The following GJA4 variants were observed in gnomAD, a reference collection of about 807,000 sequenced individuals.
GJA4 encodes gap junction protein alpha 4, also known as gap junction alpha-4 protein.
A neutral mutation model predicts 25.1 loss-of-function variants in GJA4; 13 were observed. The observed-to-expected ratio is 0.52, with a 90% CI of 0.34 to 0.82. The LOEUF (loss-of-function observed/expected upper bound fraction) is 0.82. GJA4 is among the 40% of genes least tolerant of loss of function. The pLI, the probability that GJA4 is intolerant of heterozygous loss-of-function variation, is 0.02. For synonymous variants in GJA4, 167 were observed against 193.9 expected (o/e 0.86, Z 1.15); for missense variants, 357 against 443.5 (o/e 0.80, Z 1.75).
In GJA4 at chr1:34,794,440, G is replaced by A. The variant is rs745666312; in HGVS notation, c.227G>A (p.Arg76His). 11 of 1,614,076 alleles carry A rather than the reference G, an allele frequency of 6.8e-6. No individual in the cohort carries two copies. The highest frequency in any genetic ancestry group is 1.1e-5 in the South Asian group (1 of 91,078). The stretch of plus-strand genomic sequence containing the variant: ...CAGGCCTTCCCCATCTCCCACATCC[G>A]CTACTGGGTGCTGCAGTTCCTCTTC... ...YDQAFPISHI[R>H]YWVLQFLFVS... Residue 76 changes from arginine to histidine, a missense_variant, in exon 2 of 2, where the codon CGC (arginine) becomes CAC (histidine). This residue lies in a region of GJA4 where 79 missense variants were observed against 145.4 expected (regional missense o/e 0.54). Transcript: ENST00000342280. The surrounding 1 kb of genome is among the most constrained non-coding windows in gnomAD (Gnocchi z 7.8).
In GJA4 at chr1:34,795,452, C is replaced by T. The variant is rs530639484; in HGVS notation, c.*237C>T. ...TTTGCCTGAGCACAGACAGAGTCAGCATGGAATGCTCTTGGCCAAGGGTAC... is the reference window on the plus strand; with the variant it reads ...TTTGCCTGAGCACAGACAGAGTCAGTATGGAATGCTCTTGGCCAAGGGTAC... On this transcript the variant is annotated 3_prime_UTR_variant, in exon 2 of 2. Coordinates refer to ENST00000342280, the MANE Select transcript of GJA4 (RefSeq NM_002060.3). 1.2e-5 allele frequency: 6 copies of T among 507,464 alleles called. No individual in the cohort carries two copies. In the East Asian group the frequency reaches 2.0e-4, roughly 17 times the overall value. 31.4% of individuals were successfully genotyped at this position (507,464 alleles called of 1,614,324 possible).
Position 34,794,870 on chromosome 1 carries a change from C to T in GJA4, c.657C>T (p.Ile219=), listed in dbSNP as rs1482397868. Residue 219 remains isoleucine (I), a synonymous_variant, in exon 2 of 2, where the codon ATC becomes ATT. Coordinates refer to ENST00000342280, the MANE Select transcript of GJA4 (RefSeq NM_002060.3). This position sits in a 1 kb window ranked among gnomAD's most constrained non-coding sequence, Gnocchi z 7.8. ...TCTTCATGTTGGTGGTTGGACTCAT[C>T]TCCCTGGTGCTTAACCTGCTGGAGT... ...FIIFMLVVGL[I]SLVLNLLELV... 1.2e-6 allele frequency: 2 copies of T among 1,614,074 alleles called. No individual in the cohort carries two copies. The highest frequency in any genetic ancestry group is 2.7e-5 in the African/African-American group (2 of 74,930).
Position 34,795,069 on chromosome 1 carries a change from T to C in GJA4, c.856T>C (p.Ser286Pro). 1 of 1,613,660 alleles carries C rather than the reference T, an allele frequency of 6.2e-7. No homozygotes were observed. The highest frequency in any genetic ancestry group is 8.5e-7 in the Non-Finnish European group (1 of 1,179,876). ...PPCPTYNGLSSSEQNWANLTT... is the reference protein window; with the variant it reads ...PPCPTYNGLSPSEQNWANLTT... The stretch of plus-strand genomic sequence containing the variant: ...ATGCCCCACCTACAATGGGCTCTCA[T>C]CCAGTGAGCAGAACTGGGCCAACCT... Residue 286 changes from serine (S) to proline (P), a missense_variant, in exon 2 of 2, where the codon TCC becomes CCC. Physicochemically the swap from Ser to Pro is moderately conservative, Grantham distance 74. This residue lies in a region of GJA4 where 278 missense variants were observed against 298.1 expected (regional missense o/e 0.93). Transcript: ENST00000342280.
At position 34,795,353 on chromosome 1, in the gene GJA4, T is replaced by A; in HGVS notation, c.*138T>A. The A allele has an allele frequency of 1.6e-6, 1 of 629,898 alleles. No homozygotes were observed. The allele number at this position is 629,898 out of a possible 1,614,324, so 39.0% of individuals were successfully genotyped here. On this transcript the variant is annotated 3_prime_UTR_variant, in exon 2 of 2. Coordinates refer to ENST00000342280, the MANE Select transcript of GJA4 (RefSeq NM_002060.3). ...GTGCTTGCTGGCCATGGAGCCTCAT[T>A]GCAAGTTGTTCTTGAACACCTGAGG...
In GJA4 at chr1:34,795,127, C is replaced by T. The variant is rs773046576; in HGVS notation, c.914C>T (p.Pro305Leu). 3.1e-6 allele frequency: 5 copies of T among 1,612,096 alleles called. No homozygotes were observed. In the East Asian group the frequency reaches 1.1e-4, roughly 36 times the overall value. Residue 305 changes from proline (P) to leucine (L), a missense_variant, in exon 2 of 2, where the codon CCC becomes CTC. By Grantham distance (98) the Pro-to-Leu change is moderately conservative. Around this residue, in one of 2 missense-constraint regions of GJA4, gnomAD observed 278 missense variants for 298.1 expected, o/e 0.93. Coordinates refer to ENST00000342280, the MANE Select transcript of GJA4 (RefSeq NM_002060.3). ...TTEERLASSR[P>L]PLFLDPPPQN... ...GAGGAGAGGCTGGCGTCTTCCAGGCCCCCTCTCTTCCTGGACCCACCCCCT... is the reference window on the plus strand; with the variant it reads ...GAGGAGAGGCTGGCGTCTTCCAGGCTCCCTCTCTTCCTGGACCCACCCCCT...
In GJA4 at chr1:34,794,717, C is replaced by T; in HGVS notation, c.504C>T (p.Gly168=). The T allele has an allele frequency of 6.2e-7, 1 of 1,613,164 alleles. No individual in the cohort carries two copies. Among genetic ancestry groups the T allele is most frequent in the Non-Finnish European group, 8.5e-7 (1 of 1,179,984 alleles). The change falls in exon 2 of 2, where the codon GGC becomes GGT. Residue 168 remains glycine, a synonymous_variant. Transcript: ENST00000342280. The surrounding 1 kb of genome is among the most constrained non-coding windows in gnomAD (Gnocchi z 7.8). The part of the protein sequence containing the change: ...SVLCKSVLEA[G]FLYGQWRLYG... ...TCTGCAAGAGTGTGCTAGAGGCAGG[C>T]TTCCTCTATGGCCAGTGGCGCCTGT...
Position 34,795,125 on chromosome 1 carries a change from G to GC in GJA4, c.917dup (p.Leu307SerfsTer23). The GC allele has an allele frequency of 6.2e-7, 1 of 1,612,916 alleles. No homozygotes were observed. Among genetic ancestry groups the GC allele is most frequent in the Non-Finnish European group, 8.5e-7 (1 of 1,179,212 alleles). The stretch of plus-strand genomic sequence containing the variant: ...CAGAGGAGAGGCTGGCGTCTTCCAG[G>GC]CCCCCTCTCTTCCTGGACCCACCCC... On this transcript the variant is annotated frameshift_variant, in exon 2 of 2. Transcript: ENST00000342280. LOFTEE classifies it high-confidence loss of function.
chr1:34,793,110 C>T (rs1640210101), intron 1 of GJA4, 42 bp downstream of exon 1: 3 of 288,638 alleles, frequency 1.0e-5, no homozygotes, highest in Admixed American at 4.5e-5. Context: ...GCCACCTGCT[C>T]GCGGGAGGCC....
In GJA4 at chr1:34,794,063, G is replaced by A. The variant is rs1640232313; in HGVS notation, c.-17-134G>A. On this transcript the variant is annotated intron_variant, in intron 1 of 1. Coordinates refer to ENST00000342280, the MANE Select transcript of GJA4 (RefSeq NM_002060.3). This position sits in a 1 kb window ranked among gnomAD's most constrained non-coding sequence, Gnocchi z 7.8. ...TGCACTGCTGAGTGGGAGCCTCCAGGCCAGTCCTTCCCCTTCCTGAGCCTG... is the reference window on the plus strand; with the variant it reads ...TGCACTGCTGAGTGGGAGCCTCCAGACCAGTCCTTCCCCTTCCTGAGCCTG... The A allele has an allele frequency of 2.8e-6, 2 of 715,644 alleles. No individual in the cohort carries two copies. Among genetic ancestry groups the A allele is most frequent in the African/African-American group, 3.6e-5 (2 of 56,134 alleles). 44.3% of individuals were successfully genotyped at this position (715,644 alleles called of 1,614,324 possible). A position where few individuals can be genotyped will look rare whatever the true frequency, so the allele number is the denominator to read the frequency against.
rs561985377 is a variant in GJA4, at chr1:34,795,408, T to C, written c.*193T>C. ...CCTGGTGCCCACCAGGCACTACGGC[T>C]TCCTCTCCAGAATGTGGCTTTGCCT... On this transcript the variant is annotated 3_prime_UTR_variant, in exon 2 of 2. Transcript: ENST00000342280. 2 of 570,676 alleles carry C rather than the reference T, an allele frequency of 3.5e-6. No individual in the cohort carries two copies. The highest frequency in any genetic ancestry group is 6.4e-6 in the Non-Finnish European group (2 of 314,566). The allele number at this position is 570,676 out of a possible 1,614,324, so 35.4% of individuals were successfully genotyped here.
intron 1 of GJA4, among the ~76,000 whole-genome samples, chr1:34,793,531 GGAA>G (rs1237164517): frequency 6.6e-6 from 1 of 152,204 alleles, no homozygotes; most frequent in Non-Finnish European, 1.5e-5. Context: ...TGGAGGTGGA[GGAA>G]GAAGACAGGA....
rs1195209824 is a variant in GJA4, at chr1:34,794,103, T to C, written c.-17-94T>C. ...TCCTGAGCCTGGGTTTCTTTGTAGG[T>C]AGAACGGGCGTGGCAGACCTCCCTG... On this transcript the variant is annotated intron_variant, in intron 1 of 1. Coordinates refer to ENST00000342280, the MANE Select transcript of GJA4 (RefSeq NM_002060.3). The surrounding 1 kb of genome is among the most constrained non-coding windows in gnomAD (Gnocchi z 7.8). The C allele has an allele frequency of 2.1e-6, 2 of 966,712 alleles. No homozygotes were observed. The highest frequency in any genetic ancestry group is 3.3e-5 in the African/African-American group (2 of 61,296). The allele number at this position is 966,712 out of a possible 1,614,324, so 59.9% of individuals were successfully genotyped here.
Position 34,794,693 on chromosome 1 carries a change from C to G in GJA4, c.480C>G (p.Leu160=), listed in dbSNP as rs1348913660. ...TGGGCACCTATGTCGCCAGTGTGCT[C>G]TGCAAGAGTGTGCTAGAGGCAGGCT... ...ALMGTYVASV[L]CKSVLEAGFL... is the part of the protein sequence containing the mutation. The change falls in exon 2 of 2, where the codon CTC becomes CTG. Residue 160 remains leucine, a synonymous_variant. Coordinates refer to ENST00000342280, the MANE Select transcript of GJA4 (RefSeq NM_002060.3). The surrounding 1 kb of genome is among the most constrained non-coding windows in gnomAD (Gnocchi z 7.8). The G allele has an allele frequency of 6.2e-7, 1 of 1,612,342 alleles. No homozygotes were observed. Among genetic ancestry groups the G allele is most frequent in the Non-Finnish European group, 8.5e-7 (1 of 1,179,994 alleles).
intron 1 of GJA4, among the ~76,000 whole-genome samples, chr1:34,793,929 G>A (rs1557662492): frequency 6.6e-6 from 1 of 152,164 alleles, no homozygotes; most frequent in Non-Finnish European, 1.5e-5. Flanking sequence ...GTGGCTCGGG[G>A]ACAAGAGGGA....
In GJA4 at chr1:34,794,213, C is replaced by T. The variant is rs1216732594; in HGVS notation, c.-1C>T. On this transcript the variant is annotated 5_prime_UTR_variant, in exon 2 of 2. Transcript: ENST00000342280. This position sits in a 1 kb window ranked among gnomAD's most constrained non-coding sequence, Gnocchi z 7.8. ...TCCTTGCAGACGGAGGCCCGGGAGCCATGGGTGACTGGGGCTTCCTGGAGA... is the reference window on the plus strand; with the variant it reads ...TCCTTGCAGACGGAGGCCCGGGAGCTATGGGTGACTGGGGCTTCCTGGAGA... The T allele has an allele frequency of 6.8e-6, 11 of 1,613,464 alleles. No homozygotes were observed. Among genetic ancestry groups the T allele is most frequent in the Non-Finnish European group, 9.3e-6 (11 of 1,179,646 alleles).
In GJA4 at chr1:34,795,097, CCA is replaced by C. The variant is rs747179613; in HGVS notation, c.887_888del (p.Thr296ArgfsTer33). 3.7e-6 allele frequency: 6 copies of C among 1,613,850 alleles called. No homozygotes were observed. The highest frequency in any genetic ancestry group is 1.6e-4 in the Middle Eastern group (1 of 6,062). On this transcript the variant is annotated frameshift_variant, in exon 2 of 2. Coordinates refer to ENST00000342280, the MANE Select transcript of GJA4 (RefSeq NM_002060.3). LOFTEE classifies it high-confidence loss of function. Reference sequence around the variant, plus strand: ...AGTGAGCAGAACTGGGCCAACCTGACCACAGAGGAGAGGCTGGCGTCTTCCAG... The same window carrying C: ...AGTGAGCAGAACTGGGCCAACCTGACCAGAGGAGAGGCTGGCGTCTTCCAG...
rs1640232371 is a variant in GJA4, at chr1:34,794,074, C to A, written c.-17-123C>A. ...GTGGGAGCCTCCAGGCCAGTCCTTC[C>A]CCTTCCTGAGCCTGGGTTTCTTTGT... is the stretch of plus-strand genomic sequence containing the variant. On this transcript the variant is annotated intron_variant, in intron 1 of 1. Transcript: ENST00000342280. The surrounding 1 kb of genome is among the most constrained non-coding windows in gnomAD (Gnocchi z 7.8). 1.9e-5 allele frequency: 15 copies of A among 778,296 alleles called. No individual in the cohort carries two copies. The South Asian group carries it at 2.5e-4, about 13-fold the overall frequency. The allele number at this position is 778,296 out of a possible 1,614,324, so 48.2% of individuals were successfully genotyped here.
Position 34,794,690 on chromosome 1 carries a change from G to T in GJA4, c.477G>T (p.Val159=). 10 of 1,612,198 alleles carry T rather than the reference G, an allele frequency of 6.2e-6. No individual in the cohort carries two copies. Among genetic ancestry groups the T allele is most frequent in the Non-Finnish European group, 8.5e-6 (10 of 1,180,010 alleles). ...GALMGTYVAS[V]LCKSVLEAGF... ...TGATGGGCACCTATGTCGCCAGTGTGCTCTGCAAGAGTGTGCTAGAGGCAG... is the reference window on the plus strand; with the variant it reads ...TGATGGGCACCTATGTCGCCAGTGTTCTCTGCAAGAGTGTGCTAGAGGCAG... The change falls in exon 2 of 2, where the codon GTG becomes GTT. Residue 159 remains valine (V), a synonymous_variant. Coordinates refer to ENST00000342280, the MANE Select transcript of GJA4 (RefSeq NM_002060.3). The surrounding 1 kb of genome is among the most constrained non-coding windows in gnomAD (Gnocchi z 7.8).
At position 34,794,532 on chromosome 1, in the gene GJA4, C is replaced by T. The variant is rs761437490; in HGVS notation, c.319C>T (p.Arg107Trp). The change falls in exon 2 of 2, where the codon CGG becomes TGG. Residue 107 changes from arginine to tryptophan, a missense_variant. Arg to Trp is a moderately radical substitution (Grantham distance 101, BLOSUM62 -3). Coordinates refer to ENST00000342280, the MANE Select transcript of GJA4 (RefSeq NM_002060.3). This position sits in a 1 kb window ranked among gnomAD's most constrained non-coding sequence, Gnocchi z 7.8. The part of the protein sequence containing the change: ...IYLSRREERL[R>W]QKEGELRALP... ...CCTGTCTCGGCGAGAAGAGCGGCTG[C>T]GGCAGAAGGAGGGGGAGCTGCGGGC... 1.9e-6 allele frequency: 3 copies of T among 1,612,594 alleles called. No individual in the cohort carries two copies. Among genetic ancestry groups the T allele is most frequent in the South Asian group, 1.1e-5 (1 of 91,080 alleles).
Sources: allele counts gnomAD v4.1 joint callset (sites outside exome capture counted in the v4.1 genomes callset), GRCh38; gene constraint gnomAD v4.1.1; regional missense constraint gnomAD v4.1.1; non-coding constraint Gnocchi (gnomAD v3.1); transcripts MANE v1.5; gene names NCBI Gene and HGNC (gene_info 2026-07-23, HGNC 2026-07-21).